The following KCNQ5 variants were observed in gnomAD, a reference collection of about 807,000 sequenced individuals.
KCNQ5 encodes the protein potassium voltage-gated channel subfamily Q member 5.
KCNQ5 carries 30 observed loss-of-function variants against 98.2 expected under a neutral mutation model. The observed-to-expected ratio is 0.31, with a 90% CI of 0.23 to 0.41. The LOEUF (loss-of-function observed/expected upper bound fraction) is 0.41, where lower values mean the gene tolerates loss of function less well. KCNQ5 is among the 10% of genes least tolerant of loss of function. KCNQ5 has a pLI of 1.00. For synonymous variants in KCNQ5, 458 were observed against 449.4 expected, an observed-to-expected ratio of 1.02 and a Z score of -0.24; for missense variants, 835 against 1,182.5, an observed-to-expected ratio of 0.71 and a Z score of 4.31.
chr6:73,028,252 A>G (rs1309082209), intron 2 of KCNQ5, among the ~76,000 whole-genome samples: 1 of 152,208 alleles, frequency 6.6e-6, no homozygotes, highest in African/African-American at 2.4e-5. Context: ...AGACGGTGTG[A>G]ACAACACAGC....
chr6:72,742,095 G>A (rs776456303), intron 1 of KCNQ5, among the ~76,000 whole-genome samples: 6 of 152,122 alleles, frequency 3.9e-5, no homozygotes, highest in Admixed American at 6.5e-5. Context: ...AGGTTTATTC[G>A]CTTGGGGATG....
intron 10 of KCNQ5, chr6:73,158,153 G>T (rs1023160911): frequency 3.3e-5 from 12 of 360,514 alleles, no homozygotes; most frequent in Admixed American, 2.7e-4. Flanking sequence ...GCGGGGGAGG[G>T]GGCGGGGCGG....
At chr6:73,122,804 A>G (rs1479736994) in intron 8 of KCNQ5, among the ~76,000 whole-genome samples, 1 of 152,230 alleles carries the variant, frequency 6.6e-6, no homozygotes, top group East Asian at 1.9e-4. Flanking sequence ...TACAATTTTA[A>G]TGTATTCACA....
At chr6:73,065,113 C>T (rs1040399723) in intron 3 of KCNQ5, among the ~76,000 whole-genome samples, 3 of 152,024 alleles carry the variant, frequency 2.0e-5, no homozygotes, top group African/African-American at 4.8e-5. Context: ...ACTCCAGCCC[C>T]ATTCACCATC....
At chr6:73,187,116 G>A (rs528671863) in intron 11 of KCNQ5, among the ~76,000 whole-genome samples, 4 of 150,074 alleles carry the variant, frequency 2.7e-5, no homozygotes, top group African/African-American at 9.8e-5. Context: ...CTGGAGTGCA[G>A]TGGCGTGACC....
chr6:72,773,980 A>T (rs907256308), intron 1 of KCNQ5, among the ~76,000 whole-genome samples: 2 of 152,164 alleles, frequency 1.3e-5, no homozygotes, highest in African/African-American at 4.8e-5. Context: ...CATCTTATTT[A>T]TGACAAAGAT....
chr6:72,987,800 C>A, intron 1 of KCNQ5: 1 of 405,310 alleles, frequency 2.5e-6, no homozygotes. Flanking sequence ...TTGATTATCC[C>A]ATTTATGCTG....
chr6:72,770,470 A>G (rs1172627015), intron 1 of KCNQ5, among the ~76,000 whole-genome samples: 1 of 152,184 alleles, frequency 6.6e-6, no homozygotes, highest in Non-Finnish European at 1.5e-5. Context: ...TTTGAAAGAT[A>G]TAAAATACAA....
At chr6:73,122,933 A>C (rs1775802501) in intron 8 of KCNQ5, among the ~76,000 whole-genome samples, 1 of 152,214 alleles carries the variant, frequency 6.6e-6, no homozygotes, top group South Asian at 2.1e-4. Context: ...TACCGAATGG[A>C]GAGTGTTGTA....
At chr6:73,034,100 T>G (rs1235630929) in intron 2 of KCNQ5, among the ~76,000 whole-genome samples, 1 of 152,246 alleles carries the variant, frequency 6.6e-6, no homozygotes, top group Non-Finnish European at 1.5e-5. Flanking sequence ...GATCTTAATT[T>G]CATTCCCCTA....
chr6:73,016,319 G>A (rs1210473111), intron 2 of KCNQ5, among the ~76,000 whole-genome samples: 1 of 151,984 alleles, frequency 6.6e-6, no homozygotes, highest in East Asian at 1.9e-4. Flanking sequence ...GGTGAGACAA[G>A]GAAGGGCAAG....
chr6:72,756,840 CA>C (rs1771995626), intron 1 of KCNQ5, among the ~76,000 whole-genome samples: 1 of 151,880 alleles, frequency 6.6e-6, no homozygotes, highest in African/African-American at 2.4e-5. Context: ...TATATATATA[CA>C]AATGAAATAC....
chr6:73,121,605 C>T (rs958913339), intron 8 of KCNQ5, among the ~76,000 whole-genome samples: 1 of 152,140 alleles, frequency 6.6e-6, no homozygotes, highest in Non-Finnish European at 1.5e-5. Flanking sequence ...AACCTTAATC[C>T]TAGTGGCTTC....
chr6:72,666,002 T>G (rs1232107987), intron 1 of KCNQ5, among the ~76,000 whole-genome samples: 1 of 152,188 alleles, frequency 6.6e-6, no homozygotes, highest in Admixed American at 6.5e-5. Context: ...CATATTTGTT[T>G]CCGTAATCAG....
At chr6:72,713,723 C>A (rs1769491740) in intron 1 of KCNQ5, among the ~76,000 whole-genome samples, 1 of 152,184 alleles carries the variant, frequency 6.6e-6, no homozygotes. Context: ...ACAGAGGGTT[C>A]TTTGTCTTAG....
intron 3 of KCNQ5, among the ~76,000 whole-genome samples, chr6:73,064,544 G>A (rs1036591999): frequency 2.6e-5 from 4 of 151,696 alleles, no homozygotes; most frequent in Admixed American, 6.6e-5. Flanking sequence ...TTAATCTGCA[G>A]TCAAATACTG....
At chr6:73,068,160 G>A (rs1310096033) in intron 3 of KCNQ5, among the ~76,000 whole-genome samples, 3 of 152,034 alleles carry the variant, frequency 2.0e-5, no homozygotes, top group Non-Finnish European at 2.9e-5. Context: ...GTTGGGCATG[G>A]TGGCGGGTGC....
At chr6:72,624,392 C>T (rs557047224) in intron 1 of KCNQ5, among the ~76,000 whole-genome samples, 1 of 152,036 alleles carries the variant, frequency 6.6e-6, no homozygotes, top group African/African-American at 2.4e-5. Context: ...ACATTTCTAG[C>T]CTTTCTTTTT....
chr6:72,735,500 G>A (rs1489508518), intron 1 of KCNQ5, among the ~76,000 whole-genome samples: 1 of 152,010 alleles, frequency 6.6e-6, no homozygotes, highest in African/African-American at 2.4e-5. Context: ...TATTTTTAAT[G>A]TCTTAATAAT....
Sources: gnomAD v4.1 joint callset for allele counts (sites outside exome capture counted in the v4.1 genomes callset) on GRCh38, gnomAD v4.1.1 for gene constraint, MANE v1.5 for transcripts, NCBI Gene and HGNC (gene_info 2026-07-23, HGNC 2026-07-21) for gene names.